The following TBL1XR1 variants were observed in gnomAD, a reference collection of about 807,000 sequenced individuals.
The protein encoded by TBL1XR1 is TBL1X/Y related 1, also known as F-box-like/WD repeat-containing protein TBL1XR1.
Under a neutral mutation model 66.9 loss-of-function variants are expected in TBL1XR1, and 5 were observed. The observed-to-expected ratio is 0.07, with a 90% confidence interval of 0.04 to 0.16. The LOEUF (loss-of-function observed/expected upper bound fraction) is 0.16, where lower values mean the gene tolerates loss of function less well. TBL1XR1 is among the 10% of genes least tolerant of loss of function. The pLI is 1.00. For missense variants in TBL1XR1, 238 were observed against 623.2 expected (o/e 0.38, Z 6.58); for synonymous variants, 210 against 206.0 (o/e 1.02, Z -0.17).
At chr3:177,190,177 A>G (rs1026136181) in intron 1 of TBL1XR1, among the ~76,000 whole-genome samples, 7 of 150,744 alleles carry the variant, frequency 4.6e-5, no homozygotes, top group Non-Finnish European at 8.8e-5. Flanking sequence ...CCAAAATCTT[A>G]AGCATCATTA....
chr3:177,164,765 T>C (rs1298657675), intron 1 of TBL1XR1, among the ~76,000 whole-genome samples: 1 of 152,240 alleles, frequency 6.6e-6, no homozygotes, highest in Non-Finnish European at 1.5e-5. Flanking sequence ...CAAAGTTATC[T>C]GCAGAGTCAA....
intron 2 of TBL1XR1, among the ~76,000 whole-genome samples, chr3:177,082,116 T>TCA (rs1383666510): frequency 6.6e-6 from 1 of 152,166 alleles, no homozygotes; most frequent in Non-Finnish European, 1.5e-5. Context: ...TTTTTAGGTA[T>TCA]CAGTAATATA....
upstream of TBL1XR1, among the ~76,000 whole-genome samples, chr3:177,197,654 G>C (rs1335554723): frequency 7.0e-6 from 1 of 142,762 alleles, no homozygotes; most frequent in Non-Finnish European, 1.6e-5. Context: ...GGGCGCGCGG[G>C]GGAGGGGCCG....
intron 2 of TBL1XR1, among the ~76,000 whole-genome samples, chr3:177,081,566 A>G (rs1157698847): frequency 1.3e-5 from 2 of 151,980 alleles, no homozygotes; most frequent in Non-Finnish European, 2.9e-5. Flanking sequence ...CCTGGGCAAC[A>G]TAACAAGACC....
chr3:177,098,962 A>G (rs900841866), intron 1 of TBL1XR1, among the ~76,000 whole-genome samples: 7 of 152,236 alleles, frequency 4.6e-5, no homozygotes, highest in East Asian at 1.9e-4. Flanking sequence ...AACAATTTCA[A>G]TCAAAACTTA....
At chr3:177,143,906 C>G (rs1466994009) in intron 1 of TBL1XR1, among the ~76,000 whole-genome samples, 1 of 152,122 alleles carries the variant, frequency 6.6e-6, no homozygotes, top group Non-Finnish European at 1.5e-5. Flanking sequence ...CACAGATATA[C>G]GAGGACAGTG....
intron 1 of TBL1XR1, among the ~76,000 whole-genome samples, chr3:177,186,815 G>C (rs1298903269): frequency 3.3e-5 from 5 of 152,270 alleles, no homozygotes; most frequent in African/African-American, 1.2e-4. Context: ...GCCAGTCGTG[G>C]TGTCTCACAC....
chr3:177,054,046 G>C (rs1303636679), intron 3 of TBL1XR1, 128 bp from the exon 4 acceptor site: 2 of 27,786 alleles, frequency 7.2e-5, no homozygotes, highest in Non-Finnish European at 1.5e-4. Context: ...GACGAAGGTC[G>C]TGTGTGTGTG....
At chr3:177,109,243 T>C (rs1725263903) in intron 1 of TBL1XR1, among the ~76,000 whole-genome samples, 1 of 152,186 alleles carries the variant, frequency 6.6e-6, no homozygotes, top group Non-Finnish European at 1.5e-5. Flanking sequence ...ATAAACTGAA[T>C]ATGAAAGCAA....
intron 1 of TBL1XR1, among the ~76,000 whole-genome samples, chr3:177,132,600 T>A (rs1728435675): frequency 6.6e-6 from 1 of 152,030 alleles, no homozygotes; most frequent in African/African-American, 2.4e-5. Flanking sequence ...TAAAACCGAA[T>A]GATACGATAG....
chr3:177,098,065 T>C (rs931205558), intron 2 of TBL1XR1, among the ~76,000 whole-genome samples: 75 of 151,820 alleles, frequency 4.9e-4, no homozygotes, highest in African/African-American at 1.7e-3. Flanking sequence ...AAAAATTAGC[T>C]GGGCGTGGTG....
chr3:177,112,105 A>ATTTT (rs1437717145), intron 1 of TBL1XR1, among the ~76,000 whole-genome samples: 10 of 40,278 alleles, frequency 2.5e-4, no homozygotes, highest in East Asian at 1.2e-3. Context: ...ATATATATAT[A>ATTTT]TATTTTTTTT....
At position 177,024,855 on chromosome 3, in the gene TBL1XR1, A is replaced by C. The variant is rs1401130021; in HGVS notation, c.*643T>G. The C allele has an allele frequency of 6.6e-6, 1 of 152,572 alleles. No homozygotes were observed. The highest frequency in any genetic ancestry group is 1.5e-5 in the Non-Finnish European group (1 of 68,030). The allele number at this position is 152,572 out of a possible 1,614,324, so 9.5% of individuals were successfully genotyped here. A position where few individuals can be genotyped will look rare whatever the true frequency, so the allele number is the denominator to read the frequency against. On this transcript the variant is annotated 3_prime_UTR_variant, in exon 16 of 16. Transcript: ENST00000457928. ...ATTCCCCCTTCCACAACATGCACCA[A>C]CTGAATATATGCTCTGGGAGCCATA...
chr3:177,183,353 T>C (rs528792011), intron 1 of TBL1XR1, among the ~76,000 whole-genome samples: 3 of 152,348 alleles, frequency 2.0e-5, no homozygotes, highest in South Asian at 2.1e-4. Flanking sequence ...TATTTCTGCA[T>C]GTATACATAC....
At chr3:177,171,951 G>A (rs1733569229) in intron 1 of TBL1XR1, among the ~76,000 whole-genome samples, 1 of 152,058 alleles carries the variant, frequency 6.6e-6, no homozygotes, top group African/African-American at 2.4e-5. Flanking sequence ...AGCAAATCAA[G>A]TAGTGGTAAC....
intron 1 of TBL1XR1, among the ~76,000 whole-genome samples, chr3:177,155,901 C>T (rs1161537366): frequency 6.6e-6 from 1 of 151,642 alleles, no homozygotes; most frequent in African/African-American, 2.4e-5. Context: ...CCCAGCTACT[C>T]GGGAGGCTGA....
intron 13 of TBL1XR1, among the ~76,000 whole-genome samples, chr3:177,033,835 A>T (rs983787570): frequency 3.3e-5 from 5 of 152,144 alleles, no homozygotes; most frequent in Admixed American, 2.6e-4. Flanking sequence ...GGGAATGGAA[A>T]ACCAAATATC....
chr3:177,083,082 T>C (rs749142221), intron 2 of TBL1XR1, among the ~76,000 whole-genome samples: 14 of 152,070 alleles, frequency 9.2e-5, no homozygotes, highest in Non-Finnish European at 1.6e-4. Flanking sequence ...ATAAAAATCA[T>C]ACAGCATTTT....
chr3:177,162,295 C>G (rs1732310477), intron 1 of TBL1XR1, among the ~76,000 whole-genome samples: 1 of 152,202 alleles, frequency 6.6e-6, no homozygotes, highest in Non-Finnish European at 1.5e-5. Flanking sequence ...CATGACCAGT[C>G]TCTAGTGAAC....
Sources: gnomAD v4.1 joint callset for allele counts (sites outside exome capture counted in the v4.1 genomes callset) on GRCh38, gnomAD v4.1.1 for gene constraint, MANE v1.5 for transcripts, NCBI Gene and HGNC (gene_info 2026-07-23, HGNC 2026-07-21) for gene names.